SH3BGRL: variants seen among roughly 807,000 people sequenced by gnomAD.
SH3BGRL encodes adapter SH3BGRL.
In SH3BGRL, 7 loss-of-function variants were observed where a neutral mutation model predicts 9.8. The ratio of observed to expected loss-of-function variants is 0.72; its 90% CI spans 0.41 to 1.35. SH3BGRL has a LOEUF of 1.35. Among genes scored for constraint, SH3BGRL ranks in the 40% most tolerant of loss-of-function variants. The probability of loss-of-function intolerance (pLI) is 0.01; values close to 1 mark genes in which losing one functional copy is unlikely to be tolerated. For missense variants in SH3BGRL, 73 were observed against 84.4 expected, an observed-to-expected ratio of 0.86 and a Z score of 0.53; for synonymous variants, 36 against 29.1, an observed-to-expected ratio of 1.24 and a Z score of -0.76.
intron 3 of SH3BGRL, among the ~76,000 whole-genome samples, chrX:81,287,906 G>C (rs753446462): frequency 1.9e-5 from 2 of 106,785 alleles, no homozygotes; most frequent in African/African-American, 3.4e-5. Context: ...TTACCCTGGT[G>C]CCAAAATCAC....
At chrX:81,232,423 A>G (rs2075635835) in intron 1 of SH3BGRL, among the ~76,000 whole-genome samples, 1 of 110,194 alleles carries the variant, frequency 9.1e-6, no homozygotes. Context: ...GATGATGATG[A>G]TGATGATGAT....
At chrX:81,275,042 A>G (rs994929153) in intron 1 of SH3BGRL, among the ~76,000 whole-genome samples, 1 of 111,279 alleles carries the variant, frequency 9.0e-6, no homozygotes, top group African/African-American at 3.3e-5. Flanking sequence ...GTGAAGGTAC[A>G]CTATCATGCC....
rs1283504913 is a variant in SH3BGRL, at chrX:81,277,186, A to G, written c.231+17A>G. 8.4e-7 allele frequency: 1 copy of G among 1,183,840 alleles called. No individual in the cohort carries two copies. Among genetic ancestry groups the G allele is most frequent in the African/African-American group, 1.8e-5 (1 of 56,303 alleles). ...TATCGCGGGGTAAGAAAACAATTTAAATTCTTGTTTATTGTAATAGATTGC... is the reference window on the plus strand; with the variant it reads ...TATCGCGGGGTAAGAAAACAATTTAGATTCTTGTTTATTGTAATAGATTGC... On this transcript the variant is annotated intron_variant, in intron 2 of 3. Coordinates refer to ENST00000373212, the MANE Select transcript of SH3BGRL (RefSeq NM_003022.3).
At chrX:81,246,899 G>T (rs148223681) in intron 1 of SH3BGRL, among the ~76,000 whole-genome samples, 142 of 111,916 alleles carry the variant, frequency 1.3e-3, no homozygotes, top group African/African-American at 4.5e-3. Flanking sequence ...ATTTCTTTAG[G>T]CAGTGCGGTC....
chrX:81,252,164 C>T (rs960899190), intron 1 of SH3BGRL, among the ~76,000 whole-genome samples: 7 of 111,408 alleles, frequency 6.3e-5, no homozygotes, highest in African/African-American at 2.3e-4. Flanking sequence ...GCATCTATAC[C>T]AATAAACAAA....
intron 1 of SH3BGRL, among the ~76,000 whole-genome samples, chrX:81,232,767 G>A (rs750705140): frequency 9.0e-6 from 1 of 111,270 alleles, no homozygotes; most frequent in East Asian, 2.8e-4. Flanking sequence ...AACATGCAGG[G>A]TGAAATCCTC....
intron 1 of SH3BGRL, among the ~76,000 whole-genome samples, chrX:81,265,242 T>C (rs2075753096): frequency 9.4e-6 from 1 of 105,834 alleles, no homozygotes; most frequent in Non-Finnish European, 1.9e-5. Context: ...AAGTTCTGGG[T>C]TACATGTGCA....
At chrX:81,202,957 A>G (rs2075534566) in intron 1 of SH3BGRL, among the ~76,000 whole-genome samples, 1 of 111,485 alleles carries the variant, frequency 9.0e-6, no homozygotes, top group Non-Finnish European at 1.9e-5. Context: ...CACTGCTTCA[A>G]GTATATTGAG....
intron 3 of SH3BGRL, among the ~76,000 whole-genome samples, chrX:81,296,380 GA>G (rs760149343): frequency 8.9e-6 from 1 of 111,814 alleles, no homozygotes; most frequent in South Asian, 3.8e-4. Flanking sequence ...AGGATATGAA[GA>G]ATGAATTTTG....
At chrX:81,220,785 C>T (rs2075597882) in intron 1 of SH3BGRL, among the ~76,000 whole-genome samples, 2 of 110,142 alleles carry the variant, frequency 1.8e-5, no homozygotes, top group African/African-American at 6.6e-5. Context: ...CTATATATTT[C>T]ACTGTATCTT....
intron 1 of SH3BGRL, among the ~76,000 whole-genome samples, chrX:81,209,563 G>A (rs778614255): frequency 9.0e-6 from 1 of 111,425 alleles, no homozygotes; most frequent in East Asian, 2.8e-4. Flanking sequence ...CTGGTTGTTC[G>A]GACTTCAGAA....
rs2075800228 is a variant in SH3BGRL, at chrX:81,276,974, T to C, written c.46-10T>C. 8.4e-7 allele frequency: 1 copy of C among 1,195,027 alleles called. No individual in the cohort carries two copies. The highest frequency in any genetic ancestry group is 1.1e-6 in the Non-Finnish European group (1 of 887,953). On this transcript the variant is annotated splice_polypyrimidine_tract_variant and intron_variant, in intron 1 of 3. Transcript: ENST00000373212. ...TTTGGAAAATACGGTTTCTTGTCCT[T>C]TGGTCCTAGATTAAGAAGAAACAAC...
At chrX:81,274,610 A>C (rs2147710241) in intron 1 of SH3BGRL, among the ~76,000 whole-genome samples, 1 of 109,879 alleles carries the variant, frequency 9.1e-6, no homozygotes, top group Non-Finnish European at 1.9e-5. Flanking sequence ...AAAAAGCAAT[A>C]ATTATTTATA....
chrX:81,278,404 G>A lies in SH3BGRL; in HGVS notation c.305G>A (p.Gly102Asp). 2.6e-6 allele frequency: 3 copies of A among 1,168,472 alleles called. No homozygotes were observed. Among genetic ancestry groups the A allele is most frequent in the African/African-American group, 1.8e-5 (1 of 56,568 alleles). ...YAFLGLTAPP[G>D]SKEAEVQAKQ... ...TTCTTAGGCTTGACAGCCCCACCTG[G>A]TTCAAAGGTATGATACCCTTTTTTT... The change falls in exon 3 of 4, where the codon GGT (glycine) becomes GAT (aspartate). Residue 102 changes from glycine to aspartate, a missense_variant. By Grantham distance (94) the Gly-to-Asp change is moderately conservative (BLOSUM62 -1). Transcript: ENST00000373212.
chrX:81,251,098 C>G (rs1264310752), intron 1 of SH3BGRL, among the ~76,000 whole-genome samples: 2 of 112,111 alleles, frequency 1.8e-5, no homozygotes, highest in Non-Finnish European at 3.8e-5. Context: ...GCTCTCTAAT[C>G]ATTATCATAA....
At chrX:81,224,923 G>T (rs941325974) in intron 1 of SH3BGRL, among the ~76,000 whole-genome samples, 1 of 109,570 alleles carries the variant, frequency 9.1e-6, no homozygotes, top group African/African-American at 3.3e-5. Flanking sequence ...CGAAGGAGGC[G>T]CTATTTCTTC....
At chrX:81,238,309 G>T (rs1180515090) in intron 1 of SH3BGRL, among the ~76,000 whole-genome samples, 4 of 111,787 alleles carry the variant, frequency 3.6e-5, no homozygotes, top group African/African-American at 3.3e-5. Flanking sequence ...ACTACAAGCC[G>T]ACTTACGGGC....
chrX:81,206,922 C>T (rs911201046), intron 1 of SH3BGRL, among the ~76,000 whole-genome samples: 1 of 112,383 alleles, frequency 8.9e-6, no homozygotes, highest in Non-Finnish European at 1.9e-5. Flanking sequence ...GAAGTGATTT[C>T]TGCCTGTTCA....
chrX:81,273,240 G>A (rs2075786894), intron 1 of SH3BGRL, among the ~76,000 whole-genome samples: 1 of 112,526 alleles, frequency 8.9e-6, no homozygotes, highest in Non-Finnish European at 1.9e-5. Context: ...CTTAGTCTAA[G>A]TGGCATTGCT....
Sources: gnomAD v4.1 joint callset for allele counts (sites outside exome capture counted in the v4.1 genomes callset) on GRCh38, gnomAD v4.1.1 for gene constraint, MANE v1.5 for transcripts, NCBI Gene and HGNC (gene_info 2026-07-23, HGNC 2026-07-21) for gene names.